The following TENM4 variants were observed in gnomAD, a reference collection of about 807,000 sequenced individuals.
The protein encoded by TENM4 is teneurin transmembrane protein 4, also known as teneurin-4.
Under a neutral mutation model 243.3 loss-of-function variants are expected in TENM4, and 82 were observed. The ratio of observed to expected loss-of-function variants is 0.34; its 90% confidence interval spans 0.28 to 0.40. The LOEUF is 0.40. Among genes scored for constraint, TENM4 ranks in the 10% least tolerant of loss-of-function variants. The pLI is 1.00. For missense variants in TENM4, 3,138 were observed against 3,673.3 expected (o/e 0.85, Z 3.77); for synonymous variants, 1,412 against 1,456.3 (o/e 0.97, Z 0.69).
intron 1 of TENM4, among the ~76,000 whole-genome samples, chr11:79,372,828 A>G (rs546217709): frequency 6.6e-6 from 1 of 152,294 alleles, no homozygotes; most frequent in African/African-American, 2.4e-5. Context: ...AGAACTACAC[A>G]TAAGGGAGAT....
At chr11:78,823,523 G>T (rs1466337307) in intron 12 of TENM4, among the ~76,000 whole-genome samples, 1 of 152,192 alleles carries the variant, frequency 6.6e-6, no homozygotes, top group Non-Finnish European at 1.5e-5. Flanking sequence ...GGCTGGTGAG[G>T]TCCTTAAGGT....
chr11:79,186,206 T>C (rs1863377746), intron 3 of TENM4, among the ~76,000 whole-genome samples: 1 of 152,204 alleles, frequency 6.6e-6, no homozygotes, highest in Admixed American at 6.5e-5. Flanking sequence ...CCATGTCTTA[T>C]GCTTGTCATT....
At chr11:79,396,058 T>G (rs1193958195) in intron 1 of TENM4, among the ~76,000 whole-genome samples, 2 of 152,228 alleles carry the variant, frequency 1.3e-5, no homozygotes, top group African/African-American at 4.8e-5. Context: ...TTTTCCTGGA[T>G]GCACCTTTGC....
chr11:79,149,732 C>T (rs1009242966), intron 3 of TENM4, among the ~76,000 whole-genome samples: 5 of 151,056 alleles, frequency 3.3e-5, no homozygotes, highest in Middle Eastern at 3.4e-3. Context: ...CTCTGGCTGT[C>T]GGGTTGATCT....
intron 3 of TENM4, among the ~76,000 whole-genome samples, chr11:79,201,869 G>A (rs1863745059): frequency 6.6e-6 from 1 of 152,176 alleles, no homozygotes; most frequent in Admixed American, 6.5e-5. Flanking sequence ...AGAGGTGCTA[G>A]GCTAGAGGCA....
intron 3 of TENM4, among the ~76,000 whole-genome samples, chr11:79,210,578 G>A (rs1037007502): frequency 7.2e-5 from 11 of 152,332 alleles, no homozygotes; most frequent in South Asian, 2.1e-4. Flanking sequence ...CCTTGAAAGA[G>A]GCTGATGGGA....
chr11:78,854,212 T>C lies in TENM4; in HGVS notation c.1573A>G (p.Ser525Gly), dbSNP rs954475773. 3 of 1,551,624 alleles carry C rather than the reference T, an allele frequency of 1.9e-6. No individual in the cohort carries two copies. In the Admixed American group the frequency reaches 5.9e-5, roughly 30 times the overall value. Residue 525 changes from serine to glycine, a missense_variant, in exon 12 of 34, where the codon AGC becomes GGC. Coordinates refer to ENST00000278550, the MANE Select transcript of TENM4 (RefSeq NM_001098816.3). ...TACTGGATGAAGCCTGTCTCATGGC[T>C]GGAGGGGGGCACAGTTCCCCGAGAC... is the stretch of plus-strand genomic sequence containing the variant. ...RQSRGTVPPS[S>G]HETGFIQYLD... is the part of the protein sequence containing the mutation.
intron 1 of TENM4, among the ~76,000 whole-genome samples, chr11:79,409,093 T>TGCGC (rs1858636009): frequency 9.0e-6 from 1 of 111,348 alleles, no homozygotes; most frequent in African/African-American, 3.3e-5. Flanking sequence ...TGTGTGTGTG[T>TGCGC]GTGTGTGTGC....
intron 4 of TENM4, among the ~76,000 whole-genome samples, chr11:79,138,222 C>G (rs571282837): frequency 2.8e-4 from 41 of 147,892 alleles, no homozygotes; most frequent in African/African-American, 9.8e-4. Flanking sequence ...AGTTTTGGAA[C>G]TTGGACTGGC....
chr11:79,339,442 C>T (rs972737036), intron 1 of TENM4, among the ~76,000 whole-genome samples: 2 of 152,288 alleles, frequency 1.3e-5, no homozygotes, highest in Admixed American at 1.3e-4. Context: ...CTGCATCCTT[C>T]TTTATTTTAT....
chr11:79,215,927 A>C lies in TENM4; in HGVS notation c.-264-18T>G, dbSNP rs1864044255. Reference sequence around the variant, plus strand: ...GATCTTTTCTGTTGAAGCAGAGAACACAGATCCAACTGAGTGAGGTGGCAA... The same window carrying C: ...GATCTTTTCTGTTGAAGCAGAGAACCCAGATCCAACTGAGTGAGGTGGCAA... On this transcript the variant is annotated intron_variant, in intron 2 of 33. Transcript: ENST00000278550. The C allele has an allele frequency of 1.1e-6, 1 of 925,024 alleles. No individual in the cohort carries two copies. Among genetic ancestry groups the C allele is most frequent in the Non-Finnish European group, 1.3e-6 (1 of 774,728 alleles). The allele number at this position is 925,024 out of a possible 1,614,324, so 57.3% of individuals were successfully genotyped here.
At chr11:78,814,454 C>A (rs1163543610) in intron 12 of TENM4, 59 bp from the exon 13 acceptor site, 10 of 1,455,452 alleles carry the variant, frequency 6.9e-6, no homozygotes, top group Non-Finnish European at 8.4e-6. Context: ...AACAGAGAGC[C>A]CAGGAATCAA....
chr11:78,896,768 C>CT (rs1855808750), intron 7 of TENM4, among the ~76,000 whole-genome samples: 1 of 152,162 alleles, frequency 6.6e-6, no homozygotes, highest in Admixed American at 6.5e-5. Flanking sequence ...TGTGTGGGCC[C>CT]TGGAGCCAGC....
At chr11:78,776,156 C>G (rs1359355332) in intron 17 of TENM4, among the ~76,000 whole-genome samples, 1 of 152,128 alleles carries the variant, frequency 6.6e-6, no homozygotes, top group Admixed American at 6.5e-5. Context: ...CAATGGTCCC[C>G]CCTCAATTCT....
At position 79,069,913 on chromosome 11, in the gene TENM4, G is replaced by C. The variant is rs1250208925; in HGVS notation, c.32C>G (p.Ser11Trp). 1.3e-6 allele frequency: 2 copies of C among 1,547,110 alleles called. No homozygotes were observed. Among genetic ancestry groups the C allele is most frequent in the Non-Finnish European group, 1.7e-6 (2 of 1,146,652 alleles). The change falls in exon 5 of 34, where the codon TCG becomes TGG. Residue 11 changes from serine (S) to tryptophan (W), a missense_variant. By Grantham distance (177) the Ser-to-Trp change is radical. Coordinates refer to ENST00000278550, the MANE Select transcript of TENM4 (RefSeq NM_001098816.3). Reference sequence around the variant, plus strand: ...CTCGGCGTCGCGGCGCCGGGTCAGCGAGCGGTAAGGCTTCCTCTCCTTCAC... The same window carrying C: ...CTCGGCGTCGCGGCGCCGGGTCAGCCAGCGGTAAGGCTTCCTCTCCTTCAC... MDVKERKPYRSLTRRRDAERR... is the reference protein window; with the variant it reads MDVKERKPYRWLTRRRDAERR...
chr11:78,692,449 C>A (rs536919), intron 28 of TENM4, among the ~76,000 whole-genome samples: 6,520 of 152,126 alleles, frequency 0.043, 294 homozygotes, highest in African/African-American at 0.12. Context: ...GATAATAATC[C>A]TGTTTCATAG....
At chr11:79,081,902 G>C (rs1860685099) in intron 4 of TENM4, among the ~76,000 whole-genome samples, 1 of 152,094 alleles carries the variant, frequency 6.6e-6, no homozygotes, top group Non-Finnish European at 1.5e-5. Flanking sequence ...AGTGACCTCG[G>C]AACAGTCCTT....
intron 6 of TENM4, among the ~76,000 whole-genome samples, chr11:79,022,762 T>C (rs1342434055): frequency 1.3e-5 from 2 of 152,090 alleles, no homozygotes; most frequent in Non-Finnish European, 2.9e-5. Context: ...TGGATGAAGA[T>C]TGTGGTGATA....
chr11:79,377,636 T>C (rs1425530054), intron 1 of TENM4, among the ~76,000 whole-genome samples: 1 of 152,206 alleles, frequency 6.6e-6, no homozygotes, highest in Non-Finnish European at 1.5e-5. Flanking sequence ...TTCTCCCTTT[T>C]TTGTTATGCA....
Sources: allele counts gnomAD v4.1 joint callset (sites outside exome capture counted in the v4.1 genomes callset), GRCh38; gene constraint gnomAD v4.1.1; transcripts MANE v1.5; gene names NCBI Gene and HGNC (gene_info 2026-07-23, HGNC 2026-07-21).